DOCK1: variants seen among roughly 807,000 people sequenced by gnomAD.
DOCK1 encodes the protein dedicator of cytokinesis protein 1.
DOCK1 carries 138 observed loss-of-function variants against 262.7 expected under a neutral mutation model. The observed-to-expected ratio is 0.53, with a 90% CI of 0.46 to 0.61. The LOEUF is 0.61. Ranked by LOEUF, DOCK1 falls within the 20% of genes least tolerant of loss-of-function variation. The pLI, the probability that DOCK1 is intolerant of heterozygous loss-of-function variation, is 0.00. For synonymous variants in DOCK1, 866 were observed against 867.4 expected (o/e 1.00, Z 0.03); for missense variants, 1,908 against 2,370.7 (o/e 0.80, Z 4.05).
At chr10:126,947,456 G>GTTGGTAGTATTACT (rs2035561640) in intron 1 of DOCK1, among the ~76,000 whole-genome samples, 1 of 107,312 alleles carries the variant, frequency 9.3e-6, no homozygotes, top group African/African-American at 3.5e-5. Flanking sequence ...TGGTGGTGGT[G>GTTGGTAGTATTACT]GTTGGTAGTA....
At chr10:127,439,872 G>A (rs2134726108) in intron 49 of DOCK1, among the ~76,000 whole-genome samples, 1 of 152,270 alleles carries the variant, frequency 6.6e-6, no homozygotes, top group East Asian at 1.9e-4. Flanking sequence ...GCGTGTGAGG[G>A]CGGTGAAACC....
intron 31 of DOCK1, among the ~76,000 whole-genome samples, chr10:127,353,526 C>T (rs1017036783): frequency 5.9e-5 from 9 of 152,188 alleles, no homozygotes; most frequent in African/African-American, 1.9e-4. Context: ...AATGCTGGGC[C>T]GTCTCCCCAG....
chr10:127,245,881 G>A (rs1005837608), intron 27 of DOCK1, among the ~76,000 whole-genome samples: 2 of 152,178 alleles, frequency 1.3e-5, no homozygotes, highest in Admixed American at 1.3e-4. Flanking sequence ...ATTCTAATGT[G>A]TAAGTCTCCA....
chr10:127,336,064 GC>G (rs2063179927), intron 29 of DOCK1, among the ~76,000 whole-genome samples: 2 of 151,604 alleles, frequency 1.3e-5, no homozygotes, highest in African/African-American at 4.9e-5. Context: ...TGTTGGCCAG[GC>G]TGGTCTTGAA....
In DOCK1 at chr10:127,331,131, T is replaced by G. The variant is rs539768096; in HGVS notation, c.3045-7875T>G. On this transcript the variant is annotated intron_variant, in intron 29 of 51. Transcript: ENST00000623213. The stretch of plus-strand genomic sequence containing the variant: ...GTGATATAGGAATGAGTTGTCTGCT[T>G]CTTGTTTTCTAGAGCCAGTTTCTGC... Among the ~76,000 whole-genome samples, 144 of 152,280 alleles carry G rather than the reference T, an allele frequency of 9.5e-4. No individual in the cohort carries two copies. The Middle Eastern group carries it at 0.02, about 22-fold the overall frequency.
intron 28 of DOCK1, among the ~76,000 whole-genome samples, chr10:127,254,100 C>A (rs2059752510): frequency 6.6e-6 from 1 of 152,152 alleles, no homozygotes; most frequent in South Asian, 2.1e-4. Context: ...CATGAGAATT[C>A]AGCAACAACC....
chr10:126,960,783 T>C (rs1172943832), intron 1 of DOCK1, among the ~76,000 whole-genome samples: 1 of 104,318 alleles, frequency 9.6e-6, no homozygotes, highest in Non-Finnish European at 1.8e-5. Context: ...TACGTATATA[T>C]GTGTATATAC....
At chr10:126,918,669 A>T (rs77604173) in intron 1 of DOCK1, among the ~76,000 whole-genome samples, 3,490 of 152,250 alleles carry the variant, frequency 0.023, 98 homozygotes, top group African/African-American at 0.061. Flanking sequence ...TCCCCCATTG[A>T]CATTGCCAGG....
chr10:127,161,546 C>G (rs2053595261), intron 27 of DOCK1, among the ~76,000 whole-genome samples: 1 of 152,232 alleles, frequency 6.6e-6, no homozygotes, highest in East Asian at 1.9e-4. Flanking sequence ...AAATTGTGAC[C>G]CTCCATACTG....
intron 31 of DOCK1, among the ~76,000 whole-genome samples, chr10:127,350,614 A>G (rs1029627739): frequency 6.6e-6 from 1 of 152,030 alleles, no homozygotes; most frequent in Admixed American, 6.5e-5. Context: ...CTATGTATCT[A>G]TCCGTGTTTA....
chr10:127,229,449 A>G (rs1490432742), intron 27 of DOCK1, among the ~76,000 whole-genome samples: 1 of 152,046 alleles, frequency 6.6e-6, no homozygotes, highest in Non-Finnish European at 1.5e-5. Flanking sequence ...TATGAGTTCG[A>G]CTTGTAGAGT....
intron 33 of DOCK1, among the ~76,000 whole-genome samples, chr10:127,368,857 C>T (rs1030654425): frequency 6.6e-6 from 1 of 152,132 alleles, no homozygotes; most frequent in Non-Finnish European, 1.5e-5. Flanking sequence ...TTTGTTACGC[C>T]TTTGGAAAAT....
rs2056386847 is a variant in DOCK1, at chr10:127,187,567, T to C, written c.2847+59803T>C. 2.0e-5 allele frequency among the ~76,000 whole-genome samples: 3 copies of C among 152,092 alleles called. No homozygotes were observed. In the South Asian group the frequency reaches 6.2e-4, roughly 31 times the overall value. On this transcript the variant is annotated intron_variant, in intron 27 of 51. Transcript: ENST00000623213. Reference sequence around the variant, plus strand: ...TGTGTGGGTTTTTAAAGAGAGCATATCCTGCCACGTAGAAGAAAATCCAGG... The same window carrying C: ...TGTGTGGGTTTTTAAAGAGAGCATACCCTGCCACGTAGAAGAAAATCCAGG...
intron 27 of DOCK1, among the ~76,000 whole-genome samples, chr10:127,171,952 G>A (rs956565122): frequency 4.6e-5 from 7 of 152,136 alleles, no homozygotes; most frequent in African/African-American, 1.2e-4. Flanking sequence ...TGATCCACTC[G>A]CCTTGGCCTC....
intron 27 of DOCK1, among the ~76,000 whole-genome samples, chr10:127,198,551 A>G (rs552413413): frequency 4.5e-4 from 68 of 152,330 alleles, no homozygotes; most frequent in African/African-American, 1.4e-3. Flanking sequence ...GGACAGTGCT[A>G]TCTGAGATTC....
intron 4 of DOCK1, among the ~76,000 whole-genome samples, chr10:126,987,088 T>C (rs1340184811): frequency 3.3e-5 from 5 of 152,160 alleles, no homozygotes; most frequent in Non-Finnish European, 7.3e-5. Context: ...GTAATGAGTT[T>C]TATGCGTGAT....
intron 29 of DOCK1, among the ~76,000 whole-genome samples, chr10:127,304,715 T>C (rs2061811871): frequency 6.6e-6 from 1 of 152,016 alleles, no homozygotes. Flanking sequence ...GGAGACCTCA[T>C]CTCTACAAAA....
chr10:126,948,224 G>C (rs2134337500), intron 1 of DOCK1, among the ~76,000 whole-genome samples: 2 of 69,610 alleles, frequency 2.9e-5, no homozygotes. Context: ...GATGGTGGTG[G>C]TTGGTAGTAT....
chr10:126,932,661 AGG>A, intron 1 of DOCK1, among the ~76,000 whole-genome samples: 1 of 152,254 alleles, frequency 6.6e-6, no homozygotes, highest in Non-Finnish European at 1.5e-5. Context: ...AGCTGAGCTT[AGG>A]AGGCCCTTTG....
Sources: gnomAD v4.1 joint callset for allele counts (sites outside exome capture counted in the v4.1 genomes callset) on GRCh38, gnomAD v4.1.1 for gene constraint, MANE v1.5 for transcripts, NCBI Gene and HGNC (gene_info 2026-07-23, HGNC 2026-07-21) for gene names.